The following ADAMTS12 variants were observed in gnomAD, a reference collection of about 807,000 sequenced individuals.
ADAMTS12 encodes A disintegrin and metalloproteinase with thrombospondin motifs 12.
In ADAMTS12, 118 loss-of-function variants were observed where a neutral mutation model predicts 167.8. The observed-to-expected ratio is 0.70, with a 90% confidence interval of 0.61 to 0.82. The LOEUF is 0.82. Among genes scored for constraint, ADAMTS12 ranks in the 40% least tolerant of loss-of-function variants. ADAMTS12 has a pLI of 0.00. For missense variants in ADAMTS12, 1,916 were observed against 1,998.8 expected, an observed-to-expected ratio of 0.96 and a Z score of 0.79; for synonymous variants, 704 against 716.9, an observed-to-expected ratio of 0.98 and a Z score of 0.29.
At position 33,527,174 on chromosome 5, in the gene ADAMTS12, G is replaced by A; in HGVS notation, c.*14C>T. 1 of 1,613,684 alleles carries A rather than the reference G, an allele frequency of 6.2e-7. No homozygotes were observed. Among genetic ancestry groups the A allele is most frequent in the Non-Finnish European group, 8.5e-7 (1 of 1,179,688 alleles). On this transcript the variant is annotated 3_prime_UTR_variant, in exon 24 of 24. Transcript: ENST00000504830. ...GGCTGCTGCAGTCTGGTGGAAGCTG[G>A]CTTCCTTTTGGGCTTAGAGTTCTTT... is the stretch of plus-strand genomic sequence containing the variant.
At chr5:33,876,198 G>C (rs1030940631) in intron 2 of ADAMTS12, among the ~76,000 whole-genome samples, 5 of 152,124 alleles carry the variant, frequency 3.3e-5, no homozygotes, top group African/African-American at 1.2e-4. Flanking sequence ...CACAAGACTT[G>C]ACATAGCAAA....
intron 5 of ADAMTS12, among the ~76,000 whole-genome samples, chr5:33,667,545 G>A (rs995711837): frequency 3.3e-5 from 5 of 152,048 alleles, no homozygotes; most frequent in African/African-American, 1.2e-4. Flanking sequence ...TGCTGTGGTG[G>A]ATGGGAGGAT....
chr5:33,643,326 C>G, intron 10 of ADAMTS12, 52 bp downstream of exon 10: 1 of 1,594,908 alleles, frequency 6.3e-7, no homozygotes, highest in Non-Finnish European at 8.6e-7. Context: ...CAGCTCCTCC[C>G]AAGAACTCTG....
At chr5:33,688,545 T>C (rs1742433164) in intron 3 of ADAMTS12, among the ~76,000 whole-genome samples, 1 of 152,212 alleles carries the variant, frequency 6.6e-6, no homozygotes. Flanking sequence ...TTAGGGATTT[T>C]GCAGATGGCA....
chr5:33,829,544 A>G (rs1260813681), intron 2 of ADAMTS12, among the ~76,000 whole-genome samples: 1 of 152,140 alleles, frequency 6.6e-6, no homozygotes, highest in Non-Finnish European at 1.5e-5. Context: ...TCAGCCTGGA[A>G]GTTAAGAAAT....
At chr5:33,814,733 T>C (rs539132681) in intron 2 of ADAMTS12, among the ~76,000 whole-genome samples, 1 of 152,288 alleles carries the variant, frequency 6.6e-6, no homozygotes, top group Admixed American at 6.5e-5. Context: ...GTGTACAACA[T>C]GCACACTAGA....
intron 2 of ADAMTS12, among the ~76,000 whole-genome samples, chr5:33,758,727 G>C (rs1273611235): frequency 1.3e-5 from 2 of 152,078 alleles, no homozygotes; most frequent in Non-Finnish European, 2.9e-5. Context: ...TTGTCATGGG[G>C]GTTTGTCAGA....
At chr5:33,553,569 T>C (rs2111851945) in intron 20 of ADAMTS12, among the ~76,000 whole-genome samples, 1 of 152,326 alleles carries the variant, frequency 6.6e-6, no homozygotes, top group East Asian at 1.9e-4. Flanking sequence ...TGCAGGAACA[T>C]GGTTGGAGCT....
At chr5:33,806,793 C>T (rs1747252450) in intron 2 of ADAMTS12, among the ~76,000 whole-genome samples, 1 of 152,146 alleles carries the variant, frequency 6.6e-6, no homozygotes, top group Admixed American at 6.5e-5. Flanking sequence ...TCCAACGCAT[C>T]CTATTTATCC....
In ADAMTS12 at chr5:33,701,846, C is replaced by A. The variant is rs563986896; in HGVS notation, c.635-17791G>T. On this transcript the variant is annotated intron_variant, in intron 3 of 23. Transcript: ENST00000504830. ...GCCCATATAACCTTCAGCACAAGAT[C>A]TTTCCCATTGCCTGCCTTAAGCTGT... Among the ~76,000 whole-genome samples the A allele has an allele frequency of 3.3e-4, 51 of 152,312 alleles. No individual in the cohort carries two copies. The South Asian group carries it at 5.6e-3, about 17-fold the overall frequency.
intron 3 of ADAMTS12, among the ~76,000 whole-genome samples, chr5:33,716,535 T>G (rs1323760245): frequency 2.6e-5 from 4 of 152,162 alleles, no homozygotes; most frequent in Non-Finnish European, 5.9e-5. Context: ...GCTTATTATA[T>G]ACACATTAGT....
intron 2 of ADAMTS12, among the ~76,000 whole-genome samples, chr5:33,853,698 A>C (rs963000209): frequency 6.6e-6 from 1 of 152,330 alleles, no homozygotes; most frequent in Non-Finnish European, 1.5e-5. Context: ...TTCGACAAAC[A>C]ATTTGCCACA....
chr5:33,570,693 A>G (rs760269896), intron 19 of ADAMTS12, among the ~76,000 whole-genome samples: 8 of 152,090 alleles, frequency 5.3e-5, no homozygotes, highest in East Asian at 1.9e-4. Flanking sequence ...ATCAACTAAC[A>G]AGCAAAATAA....
chr5:33,661,823 G>T, intron 6 of ADAMTS12, 93 bp downstream of exon 6: 1 of 1,536,442 alleles, frequency 6.5e-7, no homozygotes, highest in African/African-American at 1.4e-5. Flanking sequence ...AAAGAATAGT[G>T]AGAATGTCAT....
At chr5:33,648,003 T>C (rs972689344) in intron 9 of ADAMTS12, among the ~76,000 whole-genome samples, 7 of 152,276 alleles carry the variant, frequency 4.6e-5, no homozygotes, top group African/African-American at 1.7e-4. Flanking sequence ...TGAGTGTTTA[T>C]ATTTTCTTCT....
chr5:33,639,181 A>G (rs1292332616), intron 11 of ADAMTS12, among the ~76,000 whole-genome samples: 39 of 152,226 alleles, frequency 2.6e-4, no homozygotes, highest in Admixed American at 2.6e-3. Context: ...AGTAACTAAC[A>G]CAGAATGAGA....
intron 2 of ADAMTS12, among the ~76,000 whole-genome samples, chr5:33,874,614 A>G (rs568857453): frequency 6.6e-6 from 1 of 152,366 alleles, no homozygotes; most frequent in South Asian, 2.1e-4. Flanking sequence ...TCTTGTCCAC[A>G]AAGAAACCTG....
chr5:33,811,026 C>G (rs112357428), intron 2 of ADAMTS12, among the ~76,000 whole-genome samples: 1 of 152,172 alleles, frequency 6.6e-6, no homozygotes, highest in Non-Finnish European at 1.5e-5. Flanking sequence ...AAAGTACTGG[C>G]CTTGGAGCCA....
At chr5:33,665,236 G>A (rs1741423449) in intron 5 of ADAMTS12, among the ~76,000 whole-genome samples, 1 of 152,108 alleles carries the variant, frequency 6.6e-6, no homozygotes, top group South Asian at 2.1e-4. Context: ...CAGGGGCTGG[G>A]GGAGGAGCTG....
Sources: allele counts gnomAD v4.1 joint callset (sites outside exome capture counted in the v4.1 genomes callset), GRCh38; gene constraint gnomAD v4.1.1; transcripts MANE v1.5; gene names NCBI Gene and HGNC (gene_info 2026-07-23, HGNC 2026-07-21).